The following WDR59 variants were observed in gnomAD, a reference collection of about 807,000 sequenced individuals.
WDR59 encodes GATOR2 complex protein WDR59.
Under a neutral mutation model 131.2 loss-of-function variants are expected in WDR59, and 100 were observed. The observed-to-expected ratio is 0.76, with a 90% confidence interval of 0.65 to 0.90. The LOEUF is 0.90. Ranked by LOEUF, WDR59 falls within the 40% of genes least tolerant of loss-of-function variation. The pLI, the probability that WDR59 is intolerant of heterozygous loss-of-function variation, is 0.00. For missense variants in WDR59, 1,203 were observed against 1,262.2 expected, an observed-to-expected ratio of 0.95 and a Z score of 0.71; for synonymous variants, 601 against 466.2, an observed-to-expected ratio of 1.29 and a Z score of -3.72.
rs1257017114 is a variant in WDR59 at position 74,981,166 on chromosome 16, C to T, written c.54+3798G>A. Among the ~76,000 whole-genome samples, 14 of 151,516 alleles carry T rather than the reference C, an allele frequency of 9.2e-5. No homozygotes were observed. The East Asian group carries it at 1.8e-3, about 19-fold the overall frequency. ...GGATCACAAGGTCAGGAGATCGAGACCATCCTGGCTAACACGGTGAAACCC... is the reference window on the plus strand; with the variant it reads ...GGATCACAAGGTCAGGAGATCGAGATCATCCTGGCTAACACGGTGAAACCC... On this transcript the variant is annotated intron_variant, in intron 1 of 25. Transcript: ENST00000262144.
intron 6 of WDR59, among the ~76,000 whole-genome samples, chr16:74,947,140 G>A (rs552592705): frequency 6.4e-4 from 98 of 152,226 alleles, no homozygotes; most frequent in African/African-American, 2.2e-3. Context: ...ACAAAGACTT[G>A]GTTCATCCAT....
intron 3 of WDR59, among the ~76,000 whole-genome samples, chr16:74,956,174 G>C (rs2145160229): frequency 6.6e-6 from 1 of 152,258 alleles, no homozygotes; most frequent in African/African-American, 2.4e-5. Flanking sequence ...CCGCTGGCTA[G>C]TTACATTGCT....
At chr16:74,937,459 T>C (rs2031894733) in intron 8 of WDR59, among the ~76,000 whole-genome samples, 1 of 152,224 alleles carries the variant, frequency 6.6e-6, no homozygotes, top group Non-Finnish European at 1.5e-5. Flanking sequence ...TTTACTTATA[T>C]CTGTCATACA....
At chr16:74,895,856 G>A (rs1285368994) in intron 18 of WDR59, among the ~76,000 whole-genome samples, 2 of 152,192 alleles carry the variant, frequency 1.3e-5, no homozygotes, top group Admixed American at 6.5e-5. Context: ...AGTCACATGT[G>A]CACTAAATAC....
In WDR59 at chr16:74,917,929, C is replaced by T; in HGVS notation, c.966G>A (p.Arg322=). The T allele has an allele frequency of 6.2e-7, 1 of 1,613,174 alleles. No individual in the cohort carries two copies. Among genetic ancestry groups the T allele is most frequent in the Non-Finnish European group, 8.5e-7 (1 of 1,179,298 alleles). The change falls in exon 11 of 26, where the codon AGG becomes AGA. Residue 322 remains arginine, a splice_region_variant and synonymous_variant. Transcript: ENST00000262144. ...RMWRVDSQMQ[R]LCANDILDGV... ...CTCCACAATAGCACTGCATACATAC[C>T]CTCTGCATCTGGGAATCCACCCGCC...
intron 2 of WDR59, among the ~76,000 whole-genome samples, chr16:74,961,815 T>C (rs1442858237): frequency 6.6e-6 from 1 of 152,218 alleles, no homozygotes; most frequent in Admixed American, 6.5e-5. Flanking sequence ...TTGTCAATTT[T>C]TGCTCTTGTT....
chr16:74,925,979 T>C (rs1435037738), intron 8 of WDR59, among the ~76,000 whole-genome samples: 3 of 131,270 alleles, frequency 2.3e-5, no homozygotes, highest in South Asian at 2.7e-4. Context: ...AGCACGATCC[T>C]GTCTCAAAAA....
At chr16:74,890,834 C>G (rs573512305) in intron 20 of WDR59, among the ~76,000 whole-genome samples, 1 of 152,014 alleles carries the variant, frequency 6.6e-6, no homozygotes, top group African/African-American at 2.4e-5. Flanking sequence ...AAATCAAATA[C>G]GGCGGGCCCT....
At chr16:74,945,632 G>C (rs935976031) in intron 6 of WDR59, among the ~76,000 whole-genome samples, 5 of 151,956 alleles carry the variant, frequency 3.3e-5, no homozygotes, top group Admixed American at 6.6e-5. Flanking sequence ...AGGTGGTGGC[G>C]GGGGGCAGAG....
At chr16:74,916,685 G>T (rs1466527251) in intron 11 of WDR59, among the ~76,000 whole-genome samples, 1 of 151,894 alleles carries the variant, frequency 6.6e-6, no homozygotes, top group Non-Finnish European at 1.5e-5. Flanking sequence ...AGGGTGAAAT[G>T]CCGTCTCTAC....
In WDR59 at chr16:74,916,654, T is replaced by A. The variant is rs1251592538; in HGVS notation, c.967-395A>T. ...CAGGTGGATCACCTGAGGTTAGGAG[T>A]TTGAGACCAGCCTGGCCAAGAGGGT... On this transcript the variant is annotated intron_variant, in intron 11 of 25. Transcript: ENST00000262144. 2.0e-5 allele frequency among the ~76,000 whole-genome samples: 3 copies of A among 151,140 alleles called. No individual in the cohort carries two copies. In the East Asian group the frequency reaches 5.8e-4, roughly 29 times the overall value.
rs567720886 is a variant in WDR59, at chr16:74,972,689, C to T, written c.55-6867G>A. On this transcript the variant is annotated intron_variant, in intron 1 of 25. Transcript: ENST00000262144. Reference sequence around the variant, plus strand: ...TACAAAAATTAGCCAGGCGTGGTGGCGCACACCTGTAATCCCAGCTACTCA... The same window carrying T: ...TACAAAAATTAGCCAGGCGTGGTGGTGCACACCTGTAATCCCAGCTACTCA... Among the ~76,000 whole-genome samples, 12 of 151,212 alleles carry T rather than the reference C, an allele frequency of 7.9e-5. No individual in the cohort carries two copies. The East Asian group carries it at 1.8e-3, about 22-fold the overall frequency.
intron 10 of WDR59, among the ~76,000 whole-genome samples, chr16:74,918,693 A>G (rs1396575643): frequency 1.3e-5 from 2 of 152,234 alleles, no homozygotes; most frequent in Non-Finnish European, 2.9e-5. Context: ...GCGGATAATT[A>G]TGCAGTATCT....
chr16:74,914,748 C>T (rs558133234), intron 13 of WDR59, among the ~76,000 whole-genome samples: 12 of 152,202 alleles, frequency 7.9e-5, no homozygotes, highest in African/African-American at 2.9e-4. Flanking sequence ...CGCACGCCAC[C>T]ATGACCAGCT....
chr16:74,951,159 C>CAAA (rs71378721), intron 4 of WDR59, among the ~76,000 whole-genome samples: 3,176 of 74,436 alleles, frequency 0.043, 173 homozygotes, highest in Admixed American at 0.097. Context: ...GACTTCGTCT[C>CAAA]AAAAAAAAAA....
At chr16:74,928,954 C>T (rs1405663003) in intron 8 of WDR59, among the ~76,000 whole-genome samples, 1 of 152,118 alleles carries the variant, frequency 6.6e-6, no homozygotes, top group Non-Finnish European at 1.5e-5. Flanking sequence ...AAATGATCTG[C>T]AAACCATCTA....
At position 74,970,495 on chromosome 16, in the gene WDR59, C is replaced by CAAAAAAAAAAAAAAA. The variant is rs746574195; in HGVS notation, c.55-4688_55-4674dup. Among the ~76,000 whole-genome samples the CAAAAAAAAAAAAAAA allele has an allele frequency of 4.3e-3, 144 of 33,308 alleles. 30 individuals carry two copies. Among genetic ancestry groups the CAAAAAAAAAAAAAAA allele is most frequent in the Non-Finnish European group, 6.6e-3 (103 of 15,608 alleles). The allele number at this position is 33,308 out of a possible 152,430, so 21.9% of individuals were successfully genotyped here. On this transcript the variant is annotated intron_variant, in intron 1 of 25. Coordinates refer to ENST00000262144, the MANE Select transcript of WDR59 (RefSeq NM_030581.4). ...GGGTGACAGAGAGAGACTCTGTCTC[C>CAAAAAAAAAAAAAAA]AAAAAAAAAAAAAAAAAAAAAAAAA... is the stretch of plus-strand genomic sequence containing the variant.
chr16:74,932,477 G>C (rs1477394677), intron 8 of WDR59, among the ~76,000 whole-genome samples: 1 of 146,292 alleles, frequency 6.8e-6, no homozygotes, highest in African/African-American at 2.5e-5. Flanking sequence ...AACTATCCTG[G>C]CTCCTTATTT....
intron 1 of WDR59, among the ~76,000 whole-genome samples, chr16:74,977,404 T>C (rs2034229865): frequency 6.6e-6 from 1 of 151,952 alleles, no homozygotes; most frequent in Non-Finnish European, 1.5e-5. Flanking sequence ...AAAGAGACAA[T>C]GCAGCCGGGC....
Sources: gnomAD v4.1 joint callset for allele counts (sites outside exome capture counted in the v4.1 genomes callset) on GRCh38, gnomAD v4.1.1 for gene constraint, MANE v1.5 for transcripts, NCBI Gene and HGNC (gene_info 2026-07-23, HGNC 2026-07-21) for gene names.